NPAS3: variants seen among roughly 807,000 people sequenced by gnomAD.
The protein encoded by NPAS3 is neuronal PAS domain-containing protein 3.
A neutral mutation model predicts 73.1 loss-of-function variants in NPAS3; 14 were observed. The ratio of observed to expected loss-of-function variants is 0.19; its 90% CI spans 0.13 to 0.30. The LOEUF is 0.30. Ranked by LOEUF, NPAS3 falls within the 10% of genes least tolerant of loss-of-function variation. The pLI, the probability that NPAS3 is intolerant of heterozygous loss-of-function variation, is 1.00. For missense variants in NPAS3, 1,096 were observed against 1,250.0 expected (o/e 0.88, Z 1.86); for synonymous variants, 620 against 541.5 (o/e 1.14, Z -2.01).
At chr14:33,062,484 C>T (rs1186596394) in intron 2 of NPAS3, among the ~76,000 whole-genome samples, 3 of 152,052 alleles carry the variant, frequency 2.0e-5, no homozygotes, top group Admixed American at 6.5e-5. Context: ...ACTTGTAATT[C>T]AAGATAAACG....
At chr14:33,195,628 C>G (rs1376398402) in intron 2 of NPAS3, among the ~76,000 whole-genome samples, 1 of 152,234 alleles carries the variant, frequency 6.6e-6, no homozygotes, top group East Asian at 1.9e-4. Flanking sequence ...AAACCACACT[C>G]TTCTTTCAGC....
At chr14:33,536,283 A>G (rs1018107777) in intron 4 of NPAS3, among the ~76,000 whole-genome samples, 4 of 152,234 alleles carry the variant, frequency 2.6e-5, no homozygotes, top group Non-Finnish European at 5.9e-5. Flanking sequence ...ATCTTCAATG[A>G]TAGATACAAC....
chr14:33,347,988 G>T (rs2044828217), intron 3 of NPAS3, among the ~76,000 whole-genome samples: 1 of 152,094 alleles, frequency 6.6e-6, no homozygotes. Flanking sequence ...GAGTCAGTAG[G>T]AGCCTGTCTT....
intron 4 of NPAS3, among the ~76,000 whole-genome samples, chr14:33,541,161 C>T (rs1742404075): frequency 6.6e-6 from 1 of 151,570 alleles, no homozygotes; most frequent in Admixed American, 6.6e-5. Context: ...TAGGAACACA[C>T]AACCTGTAAT....
chr14:33,299,837 A>G (rs1216796013), intron 3 of NPAS3, among the ~76,000 whole-genome samples: 1 of 152,222 alleles, frequency 6.6e-6, no homozygotes, highest in African/African-American at 2.4e-5. Flanking sequence ...TCAATGAATT[A>G]TTATAGCAGT....
chr14:33,158,386 T>C (rs1340643165), intron 2 of NPAS3, among the ~76,000 whole-genome samples: 1 of 152,212 alleles, frequency 6.6e-6, no homozygotes, highest in African/African-American at 2.4e-5. Flanking sequence ...ATGTATTTAT[T>C]GGAAGACACT....
At chr14:33,774,228 C>T (rs2062741491) in intron 7 of NPAS3, 109 bp from the exon 8 acceptor site, 1 of 772,776 alleles carries the variant, frequency 1.3e-6, no homozygotes, top group Admixed American at 2.6e-5. Flanking sequence ...ACAGAAGATA[C>T]AAGCTAATGT....
intron 2 of NPAS3, among the ~76,000 whole-genome samples, chr14:33,204,973 C>T (rs2046769453): frequency 6.6e-6 from 1 of 152,074 alleles, no homozygotes; most frequent in South Asian, 2.1e-4. Flanking sequence ...TTCTCATGCT[C>T]AATTTGGATC....
At chr14:33,514,342 T>C (rs2053200159) in intron 4 of NPAS3, among the ~76,000 whole-genome samples, 1 of 151,980 alleles carries the variant, frequency 6.6e-6, no homozygotes, top group Admixed American at 6.6e-5. Context: ...CAGTGTACAC[T>C]CTAAGTTTCC....
chr14:32,973,188 G>A (rs1207854755), intron 1 of NPAS3, among the ~76,000 whole-genome samples: 2 of 152,184 alleles, frequency 1.3e-5, no homozygotes, highest in South Asian at 2.1e-4. Context: ...ACATAAAAGA[G>A]ACATTCTAAG....
At chr14:33,439,308 G>C (rs2049130040) in intron 4 of NPAS3, among the ~76,000 whole-genome samples, 1 of 152,192 alleles carries the variant, frequency 6.6e-6, no homozygotes, top group Admixed American at 6.5e-5. Context: ...GTTTCATACT[G>C]TTCCCAGGGG....
At chr14:33,524,954 T>G (rs1455578040) in intron 4 of NPAS3, among the ~76,000 whole-genome samples, 1 of 152,202 alleles carries the variant, frequency 6.6e-6, no homozygotes, top group Non-Finnish European at 1.5e-5. Context: ...CTTCATCATC[T>G]GCACCACTTC....
At chr14:32,982,558 A>T (rs1403338003) in intron 1 of NPAS3, among the ~76,000 whole-genome samples, 6 of 152,166 alleles carry the variant, frequency 3.9e-5, no homozygotes, top group Admixed American at 3.9e-4. Context: ...AAAAGAAAAA[A>T]AAAATCTCTA....
chr14:32,941,140 A>G (rs1245101625), intron 1 of NPAS3, among the ~76,000 whole-genome samples: 1 of 152,122 alleles, frequency 6.6e-6, no homozygotes, highest in African/African-American at 2.4e-5. Context: ...TTTTTTATCT[A>G]ACATGAAGAT....
At chr14:33,600,482 A>C (rs1337997195) in intron 5 of NPAS3, among the ~76,000 whole-genome samples, 3 of 152,366 alleles carry the variant, frequency 2.0e-5, no homozygotes, top group Non-Finnish European at 4.4e-5. Context: ...GGATCAACAA[A>C]TGTAAACTGA....
intron 5 of NPAS3, among the ~76,000 whole-genome samples, chr14:33,596,798 C>T (rs1202122560): frequency 6.6e-6 from 1 of 152,174 alleles, no homozygotes. Flanking sequence ...CATTATATTC[C>T]TTAGAAATCT....
chr14:33,782,896 AATATACAGCTACCTG>A (rs1233302870), intron 9 of NPAS3, among the ~76,000 whole-genome samples: 2 of 152,120 alleles, frequency 1.3e-5, no homozygotes, highest in Non-Finnish European at 2.9e-5. Context: ...TAACAAAACT[AATATACAGCTACCTG>A]ATATAATGCA....
intron 5 of NPAS3, among the ~76,000 whole-genome samples, chr14:33,566,440 TC>T (rs961152139): frequency 1.3e-5 from 2 of 151,838 alleles, no homozygotes; most frequent in African/African-American, 4.8e-5. Context: ...TGCTCGTTCT[TC>T]CCCCCTTTTC....
chr14:33,431,240 C>A (rs1270942844), intron 4 of NPAS3, among the ~76,000 whole-genome samples: 1 of 152,150 alleles, frequency 6.6e-6, no homozygotes, highest in Non-Finnish European at 1.5e-5. Context: ...CTGGCTTTTC[C>A]AGCCTCTCAT....
Sources: gnomAD v4.1 joint callset for allele counts (sites outside exome capture counted in the v4.1 genomes callset) on GRCh38, gnomAD v4.1.1 for gene constraint, MANE v1.5 for transcripts, NCBI Gene and HGNC (gene_info 2026-07-23, HGNC 2026-07-21) for gene names.